The following GBE1 variants were observed in gnomAD, a reference collection of about 807,000 sequenced individuals.
The protein encoded by GBE1 is 1,4-alpha-glucan-branching enzyme.
GBE1 carries 70 observed loss-of-function variants against 88.8 expected under a neutral mutation model. The observed-to-expected ratio is 0.79, with a 90% CI of 0.65 to 0.96. GBE1 has a LOEUF of 0.96. GBE1 is among the 40% of genes least tolerant of loss of function. GBE1 has a pLI of 0.00. For missense variants in GBE1, 872 were observed against 871.0 expected (o/e 1.00, Z -0.01); for synonymous variants, 284 against 300.1 (o/e 0.95, Z 0.56).
chr3:81,562,126 T>C (rs940963593), intron 12 of GBE1, among the ~76,000 whole-genome samples: 1 of 152,098 alleles, frequency 6.6e-6, no homozygotes, highest in African/African-American at 2.4e-5. Flanking sequence ...TCTCTTTTGT[T>C]ACCCAGTTCC....
intron 2 of GBE1, among the ~76,000 whole-genome samples, chr3:81,694,666 A>C (rs1705567310): frequency 6.6e-6 from 1 of 152,190 alleles, no homozygotes; most frequent in South Asian, 2.1e-4. Context: ...AACACAGCAA[A>C]ATATTGAATT....
chr3:81,754,561 C>T (rs75956340), intron 1 of GBE1, among the ~76,000 whole-genome samples: 193 of 148,844 alleles, frequency 1.3e-3, no homozygotes, highest in African/African-American at 4.6e-3. Context: ...CATCATACTA[C>T]CTGGCTTTAA....
At chr3:81,705,016 A>C (rs759680421) in intron 2 of GBE1, among the ~76,000 whole-genome samples, 1 of 152,072 alleles carries the variant, frequency 6.6e-6, no homozygotes, top group Non-Finnish European at 1.5e-5. Context: ...TTTACTGAAG[A>C]CTCCGAAAAG....
chr3:81,722,555 G>C (rs985331096), intron 1 of GBE1, among the ~76,000 whole-genome samples: 53 of 151,652 alleles, frequency 3.5e-4, no homozygotes, highest in African/African-American at 1.2e-3. Flanking sequence ...TTTTAAGGTA[G>C]AGCATGTTTA....
At chr3:81,646,270 C>T (rs1354692212) in intron 6 of GBE1, 122 bp downstream of exon 6, 1 of 657,518 alleles carries the variant, frequency 1.5e-6, no homozygotes, top group African/African-American at 1.9e-5. Context: ...AAATGTTCAG[C>T]TTCTATTAAC....
At chr3:81,687,286 G>C (rs1026796569) in intron 2 of GBE1, among the ~76,000 whole-genome samples, 1 of 152,170 alleles carries the variant, frequency 6.6e-6, no homozygotes, top group African/African-American at 2.4e-5. Context: ...CAGATGGAGA[G>C]GCTGAGGGGA....
At chr3:81,672,208 T>C (rs1251859441) in intron 2 of GBE1, among the ~76,000 whole-genome samples, 1 of 152,034 alleles carries the variant, frequency 6.6e-6, no homozygotes, top group African/African-American at 2.4e-5. Flanking sequence ...CTTGGTATCA[T>C]ATGTGATGCG....
At chr3:81,671,109 A>T (rs1705183129) in intron 2 of GBE1, 156 bp from the exon 3 acceptor site, 2 of 417,474 alleles carry the variant, frequency 4.8e-6, no homozygotes, top group Non-Finnish European at 8.4e-6. Context: ...GTGGTTTAGA[A>T]AAGGCAGGTT....
Position 81,499,157 on chromosome 3 carries a change from A to T in GBE1, c.2005T>A (p.Phe669Ile). Residue 669 changes from phenylalanine (F) to isoleucine (I), a missense_variant, in exon 15 of 16, where the codon TTT (phenylalanine) becomes ATT (isoleucine). Phe to Ile is a conservative substitution (Grantham distance 21). Coordinates refer to ENST00000429644, the MANE Select transcript of GBE1 (RefSeq NM_000158.4). Reference sequence around the variant, plus strand: ...TTATGTTCAAAAGCCTCAGAAAAAAAGTCAGTGCTGTGGTCCAGTCTCTGA... The same window carrying T: ...TTATGTTCAAAAGCCTCAGAAAAAATGTCAGTGCTGTGGTCCAGTCTCTGA... Reference protein sequence around the residue: ...GHQRLDHSTDFFSEAFEHNGR... With the variant: ...GHQRLDHSTDIFSEAFEHNGR... 1 of 1,612,070 alleles carries T rather than the reference A, an allele frequency of 6.2e-7. No homozygotes were observed. Among genetic ancestry groups the T allele is most frequent in the African/African-American group, 1.3e-5 (1 of 74,994 alleles).
chr3:81,623,220 A>G (rs1308518621), intron 7 of GBE1, among the ~76,000 whole-genome samples: 2 of 152,154 alleles, frequency 1.3e-5, no homozygotes, highest in African/African-American at 2.4e-5. Flanking sequence ...TCACTTACCA[A>G]TCTACATCTC....
intron 1 of GBE1, among the ~76,000 whole-genome samples, chr3:81,741,167 A>G (rs527293645): frequency 1.3e-5 from 2 of 152,348 alleles, no homozygotes; most frequent in South Asian, 4.1e-4. Flanking sequence ...CTTTGATGCC[A>G]TAAAATATTA....
intron 7 of GBE1, among the ~76,000 whole-genome samples, chr3:81,634,478 T>G (rs939173905): frequency 1.3e-5 from 2 of 152,184 alleles, no homozygotes; most frequent in Non-Finnish European, 2.9e-5. Flanking sequence ...ATTAGCATTT[T>G]GGGGGGAAAC....
intron 15 of GBE1, among the ~76,000 whole-genome samples, chr3:81,493,246 T>C (rs1414377510): frequency 6.6e-6 from 1 of 152,212 alleles, no homozygotes; most frequent in Non-Finnish European, 1.5e-5. Context: ...AGTATTGTCC[T>C]ACAATGCAGG....
chr3:81,594,256 T>C (rs1703922418), intron 7 of GBE1, among the ~76,000 whole-genome samples: 1 of 152,092 alleles, frequency 6.6e-6, no homozygotes, highest in Admixed American at 6.6e-5. Context: ...ACTTAATATC[T>C]AAGAAAATTT....
chr3:81,700,934 ATTAT>A (rs1705678324), intron 2 of GBE1, among the ~76,000 whole-genome samples: 1 of 152,176 alleles, frequency 6.6e-6, no homozygotes, highest in Non-Finnish European at 1.5e-5. Context: ...TAAGAACCCA[ATTAT>A]TTTATATTGA....
intron 14 of GBE1, among the ~76,000 whole-genome samples, chr3:81,530,767 C>T (rs1407402598): frequency 6.6e-6 from 1 of 151,912 alleles, no homozygotes; most frequent in Non-Finnish European, 1.5e-5. Context: ...CTGGGTCACA[C>T]TTGAAGCCAG....
chr3:81,643,080 T>C lies in GBE1; in HGVS notation c.783-90A>G, dbSNP rs757183544. On this transcript the variant is annotated intron_variant, in intron 6 of 15. Transcript: ENST00000429644. ...AGCAATTGTTTCACCATCGCAGTACTAGATACTTTAAATATCCAAACAGCA... is the reference window on the plus strand; with the variant it reads ...AGCAATTGTTTCACCATCGCAGTACCAGATACTTTAAATATCCAAACAGCA... The C allele has an allele frequency of 6.8e-5, 56 of 827,862 alleles. 1 individual carries two copies. The highest frequency in any genetic ancestry group is 1.1e-4 in the Non-Finnish European group (54 of 505,912). The allele number at this position is 827,862 out of a possible 1,614,324, so 51.3% of individuals were successfully genotyped here. A position where few individuals can be genotyped will look rare whatever the true frequency, so the allele number is the denominator to read the frequency against.
intron 15 of GBE1, among the ~76,000 whole-genome samples, chr3:81,492,286 A>G (rs981016493): frequency 3.9e-5 from 6 of 152,196 alleles, no homozygotes; most frequent in Non-Finnish European, 7.4e-5. Flanking sequence ...TGCTAATGCA[A>G]TCCTTTCCAT....
chr3:81,578,205 G>A (rs1250761818), intron 11 of GBE1, 109 bp from the exon 12 acceptor site: 1 of 746,738 alleles, frequency 1.3e-6, no homozygotes, highest in Non-Finnish European at 2.1e-6. Context: ...TCGTAGAAGA[G>A]GTGTGTAGAT....
Sources: allele counts gnomAD v4.1 joint callset (sites outside exome capture counted in the v4.1 genomes callset), GRCh38; gene constraint gnomAD v4.1.1; transcripts MANE v1.5; gene names NCBI Gene and HGNC (gene_info 2026-07-23, HGNC 2026-07-21).